Variants in RARB observed in about 807,000 individuals in gnomAD.
The protein encoded by RARB is HBV-activated protein.
In RARB, 17 loss-of-function variants were observed where a neutral mutation model predicts 51.9. That is an observed-to-expected ratio of 0.33 (90% CI 0.22 to 0.49). RARB has a LOEUF of 0.49. Ranked by LOEUF, RARB falls within the 20% of genes least tolerant of loss-of-function variation. The pLI is 0.99. For missense variants in RARB, 369 were observed against 550.8 expected (o/e 0.67, Z 3.30); for synonymous variants, 215 against 195.4 (o/e 1.10, Z -0.84).
intron 5 of RARB, among the ~76,000 whole-genome samples, chr3:25,325,813 T>TG (rs1313715780): frequency 3.1e-5 from 2 of 64,736 alleles, no homozygotes; most frequent in African/African-American, 1.1e-4. Context: ...AAAAACAAAG[T>TG]GGGGGGCGGG....
intron 5 of RARB, among the ~76,000 whole-genome samples, chr3:25,299,760 AAAAT>A (rs150498236): frequency 0.13 from 19,134 of 150,920 alleles, 1,524 homozygotes; most frequent in South Asian, 0.21. Flanking sequence ...GGCACCAAAA[AAAAT>A]AAATAAATAA....
intron 4 of RARB, among the ~76,000 whole-genome samples, chr3:25,135,734 G>T (rs1361507796): frequency 6.6e-6 from 1 of 151,972 alleles, no homozygotes; most frequent in Non-Finnish European, 1.5e-5. Context: ...TAGACAGGCA[G>T]TGTATGAAAC....
chr3:25,160,393 A>T (rs1319405741), intron 4 of RARB, among the ~76,000 whole-genome samples: 1 of 152,232 alleles, frequency 6.6e-6, no homozygotes, highest in Non-Finnish European at 1.5e-5. Flanking sequence ...TCTAGAACCC[A>T]CGTCTTTTAT....
chr3:25,546,721 CGAA>C (rs1007321366), intron 3 of RARB, among the ~76,000 whole-genome samples: 15 of 152,144 alleles, frequency 9.9e-5, no homozygotes, highest in Middle Eastern at 3.4e-3. Flanking sequence ...GAAGAAGACT[CGAA>C]GGAGGTGAGG....
At chr3:24,866,872 A>G (rs746786299) in intron 2 of RARB, among the ~76,000 whole-genome samples, 1 of 152,046 alleles carries the variant, frequency 6.6e-6, no homozygotes, top group Non-Finnish European at 1.5e-5. Flanking sequence ...AGGGTTTTTC[A>G]AGGATAGTTT....
Position 24,956,753 on chromosome 3 carries a change from T to C in RARB, c.-380+98001T>C, listed in dbSNP as rs188401798. 1.8e-3 allele frequency among the ~76,000 whole-genome samples: 280 copies of C among 152,328 alleles called. 1 individual carries two copies. Among genetic ancestry groups the C allele is most frequent in the Middle Eastern group, 0.01 (3 of 292 alleles). ...ACATTGTAGTGACTGATCATGGTCA[T>C]AGGTCATACAAAGGCTTAGGAAGTG... On this transcript the variant is annotated intron_variant, in intron 2 of 11. Transcript: ENST00000383772.
At chr3:24,842,459 G>T (rs972413262) in intron 1 of RARB, among the ~76,000 whole-genome samples, 2 of 151,932 alleles carry the variant, frequency 1.3e-5, no homozygotes, top group Admixed American at 1.3e-4. Context: ...GAGGGTTGAG[G>T]GAGTGATCTT....
intron 5 of RARB, among the ~76,000 whole-genome samples, chr3:25,245,809 T>C (rs1559521305): frequency 2.6e-5 from 4 of 152,146 alleles, no homozygotes; most frequent in Admixed American, 2.6e-4. Context: ...GAGGAGATAC[T>C]CTTGAGGAGT....
intron 5 of RARB, among the ~76,000 whole-genome samples, chr3:25,586,875 C>G (rs1047843107): frequency 3.9e-5 from 6 of 152,198 alleles, no homozygotes; most frequent in Admixed American, 1.3e-4. Context: ...TGCGCCTGGG[C>G]GTCTGTGCCA....
At chr3:25,436,573 G>A (rs1044811808) in intron 1 of RARB, among the ~76,000 whole-genome samples, 2 of 152,158 alleles carry the variant, frequency 1.3e-5, no homozygotes, top group African/African-American at 4.8e-5. Context: ...CAAACTAGAG[G>A]TAGGATGAAC....
chr3:25,256,168 C>T (rs1439948699), intron 5 of RARB, among the ~76,000 whole-genome samples: 3 of 152,116 alleles, frequency 2.0e-5, no homozygotes, highest in Non-Finnish European at 4.4e-5. Flanking sequence ...CAAAAATATT[C>T]AACACCTATT....
In RARB at chr3:24,912,530, A is replaced by G. The variant is rs146666234; in HGVS notation, c.-380+53778A>G. ...GGCCCTGTAGGGAGAATAGAAACCA[A>G]TGGGTCTGAGTTTTAGGAAGATGCA... On this transcript the variant is annotated intron_variant, in intron 2 of 11. Coordinates refer to the RARB transcript ENST00000383772. Among the ~76,000 whole-genome samples the G allele has an allele frequency of 3.0e-3, 461 of 152,288 alleles. 2 individuals are homozygous for G. The highest frequency in any genetic ancestry group is 5.0e-3 in the Non-Finnish European group (340 of 68,008).
intron 5 of RARB, among the ~76,000 whole-genome samples, chr3:25,411,742 C>T (rs1345279640): frequency 6.6e-6 from 1 of 152,210 alleles, no homozygotes; most frequent in African/African-American, 2.4e-5. Context: ...GCCCCTTTGT[C>T]TTGGTAAGTT....
chr3:25,029,159 G>A (rs1697816840), intron 2 of RARB, among the ~76,000 whole-genome samples: 1 of 152,196 alleles, frequency 6.6e-6, no homozygotes, highest in Non-Finnish European at 1.5e-5. Flanking sequence ...TTTGGGTACT[G>A]ACAAGTTCTG....
At position 25,375,545 on chromosome 3, in the gene RARB, C is replaced by G. The variant is rs143910178; in HGVS notation, c.179-85648C>G. ...TATTTGTTGGGATTGAAGAAGTACT[C>G]TTTTACCATTTTAATGGATAATGGG... On this transcript the variant is annotated intron_variant, in intron 5 of 11. Coordinates refer to the RARB transcript ENST00000383772. 1.2e-3 allele frequency among the ~76,000 whole-genome samples: 180 copies of G among 152,282 alleles called. 1 individual carries two copies. The highest frequency in any genetic ancestry group is 2.3e-3 in the Non-Finnish European group (157 of 68,028).
At chr3:25,479,345 G>T (rs755128612) in intron 2 of RARB, among the ~76,000 whole-genome samples, 8 of 152,258 alleles carry the variant, frequency 5.3e-5, no homozygotes, top group African/African-American at 1.9e-4. Context: ...ATGTTAAATG[G>T]CTGCTTTGTA....
At chr3:25,577,697 T>C (rs951079319) in intron 4 of RARB, among the ~76,000 whole-genome samples, 3 of 152,224 alleles carry the variant, frequency 2.0e-5, no homozygotes, top group Non-Finnish European at 4.4e-5. Flanking sequence ...ATGGGTCTTG[T>C]TCTGAAAGTC....
At chr3:25,107,281 C>G (rs889840265) in intron 3 of RARB, among the ~76,000 whole-genome samples, 1 of 152,144 alleles carries the variant, frequency 6.6e-6, no homozygotes, top group Admixed American at 6.6e-5. Flanking sequence ...ACATTGTGCT[C>G]TGTTTTCTTG....
intron 3 of RARB, among the ~76,000 whole-genome samples, chr3:25,510,238 C>G (rs187789326): frequency 4.1e-4 from 63 of 152,306 alleles, no homozygotes; most frequent in African/African-American, 1.5e-3. Flanking sequence ...TTTCAACTAC[C>G]CTTTGCTTCT....
Sources: allele counts gnomAD v4.1 joint callset (sites outside exome capture counted in the v4.1 genomes callset), GRCh38; gene constraint gnomAD v4.1.1; transcripts MANE v1.5; gene names NCBI Gene and HGNC (gene_info 2026-07-23, HGNC 2026-07-21).